FIG4: variants seen among roughly 807,000 people sequenced by gnomAD.
The protein encoded by FIG4 is polyphosphoinositide phosphatase.
A neutral mutation model predicts 118.6 loss-of-function variants in FIG4; 112 were observed. The ratio of observed to expected loss-of-function variants is 0.94; its 90% CI spans 0.81 to 1.11. FIG4 has a LOEUF of 1.11. Among genes scored for constraint, FIG4 ranks in the 50% least tolerant of loss-of-function variants. The pLI is 0.00. For missense variants in FIG4, 969 were observed against 1,111.7 expected (o/e 0.87, Z 1.83); for synonymous variants, 369 against 381.2 (o/e 0.97, Z 0.37).
intron 15 of FIG4, among the ~76,000 whole-genome samples, chr6:109,768,727 C>T (rs1777357614): frequency 6.6e-6 from 1 of 152,148 alleles, no homozygotes; most frequent in Non-Finnish European, 1.5e-5. Context: ...ATGGGAGTGA[C>T]ATCCCGTCAT....
At chr6:109,741,567 C>T (rs1374882693) in intron 8 of FIG4, 23 bp downstream of exon 8, 4 of 1,393,842 alleles carry the variant, frequency 2.9e-6, no homozygotes, top group Non-Finnish European at 4.1e-6. Context: ...ACAGTATCTT[C>T]ACTGACCTTT....
At chr6:109,715,628 G>A (rs1167660930) in intron 2 of FIG4, among the ~76,000 whole-genome samples, 20 of 152,102 alleles carry the variant, frequency 1.3e-4, no homozygotes. Flanking sequence ...ATACACTAAG[G>A]AAATGTTAAG....
intron 3 of FIG4, among the ~76,000 whole-genome samples, chr6:109,725,084 T>C (rs914917500): frequency 6.6e-6 from 1 of 152,150 alleles, no homozygotes; most frequent in Non-Finnish European, 1.5e-5. Context: ...TTAAATTGTT[T>C]AGAGTAATTT....
At chr6:109,697,124 T>C (rs980859823) in intron 1 of FIG4, among the ~76,000 whole-genome samples, 7 of 151,920 alleles carry the variant, frequency 4.6e-5, no homozygotes, top group African/African-American at 9.7e-5. Flanking sequence ...TAGCTGGGCA[T>C]GGTGGTGGGC....
chr6:109,758,013 AT>A (rs1179316336), intron 10 of FIG4, among the ~76,000 whole-genome samples: 1 of 152,246 alleles, frequency 6.6e-6, no homozygotes, highest in African/African-American at 2.4e-5. Flanking sequence ...AAGAATCAAT[AT>A]TGTGAAAATG....
chr6:109,697,916 A>G (rs958245410), intron 1 of FIG4, among the ~76,000 whole-genome samples: 1 of 147,524 alleles, frequency 6.8e-6, no homozygotes, highest in South Asian at 2.1e-4. Context: ...TAAGACGGTG[A>G]TTTGCACTGT....
At chr6:109,809,654 A>G (rs577292364) in intron 22 of FIG4, among the ~76,000 whole-genome samples, 3 of 152,292 alleles carry the variant, frequency 2.0e-5, no homozygotes, top group Non-Finnish European at 4.4e-5. Context: ...CAGCAGGATG[A>G]TATCTGTGAC....
intron 16 of FIG4, 49 bp from the exon 17 acceptor site, chr6:109,784,921 A>G: frequency 9.9e-7 from 1 of 1,012,266 alleles, no homozygotes; most frequent in African/African-American, 1.6e-5. Flanking sequence ...ATTTTAGAAA[A>G]CCAACATTTA....
intron 8 of FIG4, among the ~76,000 whole-genome samples, chr6:109,742,640 A>G (rs1171685817): frequency 6.6e-6 from 1 of 152,134 alleles, no homozygotes; most frequent in Non-Finnish European, 1.5e-5. Context: ...ATTATTCTTT[A>G]TTATGTCCTT....
chr6:109,791,672 A>G (rs1424175603), intron 20 of FIG4, 101 bp downstream of exon 20: 25 of 968,944 alleles, frequency 2.6e-5, no homozygotes, highest in Middle Eastern at 2.8e-4. Context: ...AAAATGTCAC[A>G]TTATCTCACT....
intron 16 of FIG4, among the ~76,000 whole-genome samples, chr6:109,780,969 G>T (rs1314464893): frequency 1.3e-5 from 2 of 152,218 alleles, no homozygotes; most frequent in Non-Finnish European, 2.9e-5. Flanking sequence ...ATGTCACCAA[G>T]ATGTTTTTAG....
rs1182464308 is a variant in FIG4 at position 109,749,575 on chromosome 6, G to A, written c.1137+5803G>A. The stretch of plus-strand genomic sequence containing the variant: ...GAATTAGTGGATTTAGACAGAGCAC[G>A]ACCCTGCCTCAATAATAAAATAAAA... On this transcript the variant is annotated intron_variant, in intron 10 of 22. Transcript: ENST00000230124. 1.2e-4 allele frequency among the ~76,000 whole-genome samples: 4 copies of A among 33,362 alleles called. 1 individual carries two copies. The South Asian group carries it at 2.3e-3, about 19-fold the overall frequency. The allele number at this position is 33,362 out of a possible 152,430, so 21.9% of individuals were successfully genotyped here.
rs1047873961 is a variant in FIG4 at position 109,791,268 on chromosome 6, T to G, written c.2181-108T>G. 1.5e-5 allele frequency: 14 copies of G among 929,626 alleles called. No individual in the cohort carries two copies. The East Asian group carries it at 3.1e-4, about 21-fold the overall frequency. The allele number at this position is 929,626 out of a possible 1,614,324, so 57.6% of individuals were successfully genotyped here. ...CTGAATCCAGAAACTAGTGTCACAG[T>G]CATTTTCTTATGCTTCACTAGGCCT... is the stretch of plus-strand genomic sequence containing the variant. On this transcript the variant is annotated intron_variant, in intron 19 of 22. Transcript: ENST00000230124.
At chr6:109,790,420 A>G (rs765254896) in intron 19 of FIG4, among the ~76,000 whole-genome samples, 9 of 152,206 alleles carry the variant, frequency 5.9e-5, no homozygotes, top group Non-Finnish European at 8.8e-5. Flanking sequence ...ACCAGATGCT[A>G]TGAGGAATTT....
At chr6:109,765,834 A>T (rs546791283) in intron 14 of FIG4, among the ~76,000 whole-genome samples, 13 of 152,318 alleles carry the variant, frequency 8.5e-5, no homozygotes, top group African/African-American at 3.1e-4. Flanking sequence ...ATGATAGCTG[A>T]TACTGGTCAT....
intron 22 of FIG4, among the ~76,000 whole-genome samples, chr6:109,801,100 G>T (rs968988377): frequency 6.6e-6 from 1 of 152,198 alleles, no homozygotes; most frequent in African/African-American, 2.4e-5. Context: ...CATATCATTA[G>T]TGCTTGCTTT....
chr6:109,767,142 C>T (rs576656788), intron 15 of FIG4, among the ~76,000 whole-genome samples: 1 of 152,288 alleles, frequency 6.6e-6, no homozygotes, highest in Non-Finnish European at 1.5e-5. Flanking sequence ...ATGCAACACA[C>T]TTTAATTCCT....
intron 4 of FIG4, among the ~76,000 whole-genome samples, chr6:109,729,258 T>C (rs933240859): frequency 6.6e-6 from 1 of 152,194 alleles, no homozygotes; most frequent in African/African-American, 2.4e-5. Flanking sequence ...GAAAACATAT[T>C]TGACAAAATT....
At chr6:109,733,165 GA>G (rs1342240810) in intron 5 of FIG4, among the ~76,000 whole-genome samples, 1 of 152,064 alleles carries the variant, frequency 6.6e-6, no homozygotes, top group Admixed American at 6.6e-5. Flanking sequence ...GAACATACAT[GA>G]AAATATGTCC....
Sources: allele counts gnomAD v4.1 joint callset (sites outside exome capture counted in the v4.1 genomes callset), GRCh38; gene constraint gnomAD v4.1.1; transcripts MANE v1.5; gene names NCBI Gene and HGNC (gene_info 2026-07-23, HGNC 2026-07-21).